NEGR1: variants seen among roughly 807,000 people sequenced by gnomAD.
NEGR1 encodes the protein neuronal growth regulator 1, also known as IgLON family member 4.
NEGR1 carries 10 observed loss-of-function variants against 40.9 expected under a neutral mutation model. That is an observed-to-expected ratio of 0.24 (90% CI 0.15 to 0.42). The LOEUF (loss-of-function observed/expected upper bound fraction) is 0.42. Among genes scored for constraint, NEGR1 ranks in the 10% least tolerant of loss-of-function variants. The probability of loss-of-function intolerance (pLI) is 1.00; values close to 1 mark genes in which losing one functional copy is unlikely to be tolerated. For synonymous variants in NEGR1, 185 were observed against 166.8 expected, an observed-to-expected ratio of 1.11 and a Z score of -0.84; for missense variants, 352 against 438.9, an observed-to-expected ratio of 0.80 and a Z score of 1.77.
chr1:72,014,913 A>G (rs972436052), intron 1 of NEGR1, among the ~76,000 whole-genome samples: 9 of 152,126 alleles, frequency 5.9e-5, no homozygotes, highest in African/African-American at 2.2e-4. Flanking sequence ...ATATGCCACA[A>G]GAAAGTATTC....
chr1:71,424,488 C>T (rs1646416873), intron 6 of NEGR1, among the ~76,000 whole-genome samples: 2 of 152,296 alleles, frequency 1.3e-5, no homozygotes, highest in South Asian at 4.1e-4. Flanking sequence ...GTTACTCAGT[C>T]AAGCACTAAT....
At chr1:72,069,814 C>T (rs1405176238) in intron 1 of NEGR1, among the ~76,000 whole-genome samples, 2 of 152,096 alleles carry the variant, frequency 1.3e-5, no homozygotes, top group African/African-American at 4.8e-5. Context: ...ATACCTGTGG[C>T]ACACTAATGA....
At chr1:71,945,559 A>G (rs749491250) in intron 1 of NEGR1, among the ~76,000 whole-genome samples, 5 of 152,102 alleles carry the variant, frequency 3.3e-5, no homozygotes, top group Non-Finnish European at 7.4e-5. Flanking sequence ...TGTCATATGT[A>G]AAAGTACTTC....
intron 2 of NEGR1, among the ~76,000 whole-genome samples, chr1:71,866,865 C>T (rs763979977): frequency 6.3e-4 from 96 of 152,266 alleles, no homozygotes; most frequent in Non-Finnish European, 1.1e-3. Flanking sequence ...ACATCAAAAG[C>T]TATGAATTTA....
At chr1:71,734,719 A>T (rs940596970) in intron 3 of NEGR1, among the ~76,000 whole-genome samples, 2 of 152,092 alleles carry the variant, frequency 1.3e-5, no homozygotes, top group African/African-American at 4.8e-5. Context: ...CTACTCCTAT[A>T]ATCTGACTCT....
chr1:72,227,281 G>T (rs564390069), intron 1 of NEGR1, among the ~76,000 whole-genome samples: 5 of 151,988 alleles, frequency 3.3e-5, no homozygotes, highest in African/African-American at 4.8e-5. Context: ...TCAAATAGGC[G>T]GTAGGGAAAG....
chr1:71,577,344 C>T (rs1014859408), intron 6 of NEGR1, among the ~76,000 whole-genome samples: 5 of 152,016 alleles, frequency 3.3e-5, no homozygotes, highest in African/African-American at 1.2e-4. Flanking sequence ...AGAAGTCACG[C>T]TATAATTTTA....
At chr1:72,261,576 C>A (rs1309753576) in intron 1 of NEGR1, among the ~76,000 whole-genome samples, 1 of 151,786 alleles carries the variant, frequency 6.6e-6, no homozygotes, top group Non-Finnish European at 1.5e-5. Flanking sequence ...TTTCCATGAA[C>A]AAAATTTCAT....
chr1:71,967,938 G>A (rs998199615), intron 1 of NEGR1, among the ~76,000 whole-genome samples: 1 of 152,112 alleles, frequency 6.6e-6, no homozygotes, highest in Non-Finnish European at 1.5e-5. Flanking sequence ...GTGCTGAGGT[G>A]GGAAAACATT....
intron 6 of NEGR1, among the ~76,000 whole-genome samples, chr1:71,511,302 A>C (rs1647071140): frequency 6.6e-6 from 1 of 152,222 alleles, no homozygotes; most frequent in African/African-American, 2.4e-5. Context: ...AGTTCTCAGT[A>C]TCTCTAATAT....
chr1:71,867,816 G>A (rs1660161830), intron 2 of NEGR1, among the ~76,000 whole-genome samples: 1 of 152,058 alleles, frequency 6.6e-6, no homozygotes, highest in African/African-American at 2.4e-5. Context: ...ACTTCATAAT[G>A]TCATTTTCTA....
chr1:72,017,841 G>T (rs563333537), intron 1 of NEGR1, among the ~76,000 whole-genome samples: 14 of 151,994 alleles, frequency 9.2e-5, no homozygotes, highest in Non-Finnish European at 1.6e-4. Flanking sequence ...TTTTAAGATT[G>T]GTCTCAATAA....
intron 2 of NEGR1, among the ~76,000 whole-genome samples, chr1:71,894,041 G>A (rs988873921): frequency 6.7e-5 from 7 of 104,058 alleles, no homozygotes; most frequent in African/African-American, 2.2e-4. Context: ...ATGGACACAG[G>A]AAGGGGAATA....
At chr1:72,053,582 G>T (rs1647082546) in intron 1 of NEGR1, among the ~76,000 whole-genome samples, 1 of 150,722 alleles carries the variant, frequency 6.6e-6, no homozygotes, top group South Asian at 2.1e-4. Flanking sequence ...CAATTCACTT[G>T]ATCCATTCTT....
chr1:71,811,084 T>C (rs1657985793), intron 2 of NEGR1, among the ~76,000 whole-genome samples: 1 of 152,192 alleles, frequency 6.6e-6, no homozygotes, highest in African/African-American at 2.4e-5. Context: ...CTGTAGGCTC[T>C]GTGAAACATC....
intron 2 of NEGR1, among the ~76,000 whole-genome samples, chr1:71,842,540 G>C (rs1294115876): frequency 6.6e-6 from 1 of 152,110 alleles, no homozygotes; most frequent in Non-Finnish European, 1.5e-5. Context: ...TAAATAAACA[G>C]TATAGATGGA....
At chr1:71,701,582 G>C (rs929767747) in intron 3 of NEGR1, among the ~76,000 whole-genome samples, 2 of 151,866 alleles carry the variant, frequency 1.3e-5, no homozygotes, top group Non-Finnish European at 2.9e-5. Flanking sequence ...CTCATCTCTA[G>C]CTCCTAACCT....
intron 6 of NEGR1, among the ~76,000 whole-genome samples, chr1:71,418,864 C>T (rs1243029705): frequency 6.6e-6 from 1 of 152,128 alleles, no homozygotes; most frequent in Non-Finnish European, 1.5e-5. Flanking sequence ...AACACAGTGA[C>T]TACATATAAT....
intron 1 of NEGR1, among the ~76,000 whole-genome samples, chr1:72,199,144 GACAGAC>G (rs1157259364): frequency 2.9e-4 from 41 of 140,172 alleles, no homozygotes; most frequent in African/African-American, 9.1e-4. Context: ...TATCTAGATA[GACAGAC>G]AGAGAGAGAG....
Sources: allele counts gnomAD v4.1 joint callset (sites outside exome capture counted in the v4.1 genomes callset), GRCh38; gene constraint gnomAD v4.1.1; transcripts MANE v1.5; gene names NCBI Gene and HGNC (gene_info 2026-07-23, HGNC 2026-07-21).